The following ENAH variants were observed in gnomAD, a reference collection of about 807,000 sequenced individuals.
ENAH encodes the protein protein enabled homolog.
A neutral mutation model predicts 78.7 loss-of-function variants in ENAH; 23 were observed. The observed-to-expected ratio is 0.29, with a 90% confidence interval of 0.21 to 0.41. ENAH has a LOEUF of 0.41. Among genes scored for constraint, ENAH ranks in the 10% least tolerant of loss-of-function variants. ENAH has a pLI of 1.00. For synonymous variants in ENAH, 226 were observed against 241.0 expected, an observed-to-expected ratio of 0.94 and a Z score of 0.58; for missense variants, 544 against 691.0, an observed-to-expected ratio of 0.79 and a Z score of 2.39.
At chr1:225,623,312 G>A (rs749365168) in intron 1 of ENAH, among the ~76,000 whole-genome samples, 2 of 152,082 alleles carry the variant, frequency 1.3e-5, no homozygotes, top group African/African-American at 4.8e-5. Context: ...AAGGCTGTTA[G>A]ATTACAGGCT....
chr1:225,652,758 T>C lies in ENAH; in HGVS notation c.-68A>G. 1 of 1,263,412 alleles carries C rather than the reference T, an allele frequency of 7.9e-7. No homozygotes were observed. Among genetic ancestry groups the C allele is most frequent in the Non-Finnish European group, 1.0e-6 (1 of 998,566 alleles). 78.3% of individuals were successfully genotyped at this position (1,263,412 alleles called of 1,614,324 possible). On this transcript the variant is annotated 5_prime_UTR_variant, in exon 1 of 14. Transcript: ENST00000366843. The stretch of plus-strand genomic sequence containing the variant: ...AGAAGGCGCCGAGCCGAGGGGGGGG[T>C]CTCTCCTCCAGGGGTGGGGAGCAGC...
rs1281357379 is a variant in ENAH, at chr1:225,517,262, C to G, written c.847G>C (p.Asp283His). Residue 283 changes from aspartate to histidine, a missense_variant, in exon 6 of 14, where the codon GAC (aspartate) becomes CAC (histidine). Asp to His is a moderately conservative substitution (Grantham distance 81, BLOSUM62 -1). Coordinates refer to ENST00000366843, the MANE Select transcript of ENAH (RefSeq NM_018212.6). Reference sequence around the variant, plus strand: ...AAGCCTGGCTCAGAAGCAGAAGAGTCTCCCAGCACAGAGTTTAGAGGAGTC... The same window carrying G: ...AAGCCTGGCTCAGAAGCAGAAGAGTGTCCCAGCACAGAGTTTAGAGGAGTC... ...VETPLNSVLG[D>H]SSASEPGLQA... is the part of the protein sequence containing the mutation. The G allele has an allele frequency of 1.3e-6, 2 of 1,551,642 alleles. No individual in the cohort carries two copies. The highest frequency in any genetic ancestry group is 1.7e-4 in the Middle Eastern group (1 of 5,804).
At chr1:225,593,433 T>G (rs1426824229) in intron 1 of ENAH, among the ~76,000 whole-genome samples, 10 of 115,432 alleles carry the variant, frequency 8.7e-5, no homozygotes, top group East Asian at 2.7e-4. Context: ...GGTGCCCTAG[T>G]ATGAGAACCC....
At chr1:225,539,826 T>C (rs16845030) in intron 3 of ENAH, among the ~76,000 whole-genome samples, 9,714 of 152,278 alleles carry the variant, frequency 0.064, 385 homozygotes, top group African/African-American at 0.11. Context: ...ATTCTCTTGC[T>C]CAACTGGCGT....
chr1:225,497,967 AAAG>A (rs1286357741), intron 13 of ENAH, among the ~76,000 whole-genome samples, 155 bp from the exon 14 acceptor site: 9 of 152,212 alleles, frequency 5.9e-5, no homozygotes, highest in African/African-American at 1.9e-4. Context: ...TTAATATTAG[AAAG>A]ATGATACTAA....
intron 1 of ENAH, among the ~76,000 whole-genome samples, chr1:225,615,189 C>G (rs1170897614): frequency 6.6e-6 from 1 of 152,190 alleles, no homozygotes; most frequent in Non-Finnish European, 1.5e-5. Flanking sequence ...ATTGCAGGCG[C>G]GCGCCGCCAC....
chr1:225,642,975 C>T (rs1168384369), intron 1 of ENAH, among the ~76,000 whole-genome samples: 4 of 152,188 alleles, frequency 2.6e-5, no homozygotes, highest in African/African-American at 9.7e-5. Context: ...AACTAGAAAT[C>T]TCATCTACTC....
chr1:225,643,886 A>C (rs1364874608), intron 1 of ENAH, among the ~76,000 whole-genome samples: 1 of 152,180 alleles, frequency 6.6e-6, no homozygotes, highest in East Asian at 1.9e-4. Flanking sequence ...GCAGTAAGCT[A>C]TGATTGCACC....
intron 2 of ENAH, among the ~76,000 whole-genome samples, chr1:225,557,328 T>G (rs1482699923): frequency 6.6e-6 from 1 of 152,204 alleles, no homozygotes; most frequent in East Asian, 1.9e-4. Context: ...ATAATTTACA[T>G]TAAGGTTTTT....
chr1:225,616,054 T>C (rs1016795537), intron 1 of ENAH, among the ~76,000 whole-genome samples: 8 of 152,190 alleles, frequency 5.3e-5, no homozygotes, highest in South Asian at 2.1e-4. Flanking sequence ...CTCTAAAACA[T>C]GTGCTGTGTC....
intron 1 of ENAH, among the ~76,000 whole-genome samples, chr1:225,585,680 C>G (rs1163010709): frequency 6.6e-6 from 1 of 151,578 alleles, no homozygotes; most frequent in Non-Finnish European, 1.5e-5. Flanking sequence ...TCCCAGCTAC[C>G]CAGAAAGCTG....
intron 3 of ENAH, among the ~76,000 whole-genome samples, chr1:225,536,788 A>G (rs1001094745): frequency 2.0e-5 from 3 of 151,516 alleles, no homozygotes; most frequent in African/African-American, 7.3e-5. Context: ...CATACACTGT[A>G]TTTTTTTTGC....
chr1:225,514,529 A>C, intron 7 of ENAH, 67 bp downstream of exon 7: 1 of 1,183,646 alleles, frequency 8.4e-7, no homozygotes, highest in East Asian at 2.5e-5. Context: ...GAATACAATA[A>C]ATTCAACATT....
chr1:225,539,806 T>G (rs896835102), intron 3 of ENAH, among the ~76,000 whole-genome samples: 1 of 152,232 alleles, frequency 6.6e-6, no homozygotes, highest in African/African-American at 2.4e-5. Flanking sequence ...TGCCTTCTAC[T>G]TCTAATATTA....
intron 1 of ENAH, among the ~76,000 whole-genome samples, chr1:225,596,671 TG>T (rs1279393807): frequency 6.6e-6 from 1 of 152,236 alleles, no homozygotes; most frequent in Admixed American, 6.5e-5. Flanking sequence ...ATATATACAT[TG>T]CTCTAAATCC....
chr1:225,554,205 A>G (rs1043990422), intron 3 of ENAH, among the ~76,000 whole-genome samples: 1 of 152,182 alleles, frequency 6.6e-6, no homozygotes, highest in Admixed American at 6.6e-5. Context: ...TATAACAATT[A>G]TTTCCTGATT....
At chr1:225,549,074 T>C (rs1355089139) in intron 3 of ENAH, among the ~76,000 whole-genome samples, 1 of 152,092 alleles carries the variant, frequency 6.6e-6, no homozygotes, top group African/African-American at 2.4e-5. Context: ...GGTCTCGAAC[T>C]CCTGGTCTCA....
At chr1:225,590,941 T>TTA (rs1480898199) in intron 1 of ENAH, among the ~76,000 whole-genome samples, 1 of 152,202 alleles carries the variant, frequency 6.6e-6, no homozygotes, top group African/African-American at 2.4e-5. Context: ...GAGAATCTAG[T>TTA]TAGGAATAGT....
intron 12 of ENAH, among the ~76,000 whole-genome samples, chr1:225,500,373 C>G (rs1230815718): frequency 6.6e-6 from 1 of 152,132 alleles, no homozygotes; most frequent in Non-Finnish European, 1.5e-5. Flanking sequence ...ATTGAGATAA[C>G]TGTACACATT....
Sources: allele counts gnomAD v4.1 joint callset (sites outside exome capture counted in the v4.1 genomes callset), GRCh38; gene constraint gnomAD v4.1.1; transcripts MANE v1.5; gene names NCBI Gene and HGNC (gene_info 2026-07-23, HGNC 2026-07-21).